Variants in TET1 observed in about 807,000 individuals in gnomAD.
TET1 encodes the protein tet methylcytosine dioxygenase 1, also known as methylcytosine dioxygenase TET1.
TET1 carries 13 observed loss-of-function variants against 148.7 expected under a neutral mutation model. That is an observed-to-expected ratio of 0.09 (90% CI 0.06 to 0.14). The LOEUF is 0.14. Among genes scored for constraint, TET1 ranks in the 10% least tolerant of loss-of-function variants. TET1 has a pLI of 1.00. For missense variants in TET1, 2,182 were observed against 2,553.8 expected (o/e 0.85, Z 3.14); for synonymous variants, 907 against 937.2 (o/e 0.97, Z 0.59).
chr10:68,632,650 G>T, intron 3 of TET1: 1 of 1,593,432 alleles, frequency 6.3e-7, no homozygotes, highest in South Asian at 1.1e-5. Context: ...TGCCAGAGAA[G>T]AAATTAAAAA....
rs1339691951 is a variant in TET1 at position 68,686,384 on chromosome 10, G to A, written c.5081G>A (p.Arg1694His). 1 of 1,609,432 alleles carries A rather than the reference G, an allele frequency of 6.2e-7. No individual in the cohort carries two copies. The highest frequency in any genetic ancestry group is 1.7e-5 in the Admixed American group (1 of 59,366). Residue 1694 changes from arginine to histidine, a missense_variant, in exon 11 of 12, where the codon CGC (arginine) becomes CAC (histidine). Arg to His is a conservative substitution (Grantham distance 29). This residue lies in a region of TET1 where 380 missense variants were observed against 387.9 expected (regional missense o/e 0.98). Coordinates refer to ENST00000373644, the MANE Select transcript of TET1 (RefSeq NM_030625.3). ...TGTACCTTAACTCGAGAAGATAACC[G>A]CTCTTTGGGTGTTATTCCTCAAGAT... ...VVCTLTREDN[R>H]SLGVIPQDEQ... is the part of the protein sequence containing the mutation.
intron 3 of TET1, among the ~76,000 whole-genome samples, chr10:68,637,539 T>TTTTTTTTTTTTTTTTTTTC (rs2054672119): frequency 2.7e-5 from 4 of 148,014 alleles, no homozygotes; most frequent in African/African-American, 1.0e-4. Flanking sequence ...TTTTTTTTTT[T>TTTTTTTTTTTTTTTTTTTC]AAGAGACAGA....
At position 68,691,900 on chromosome 10, in the gene TET1, T is replaced by C; in HGVS notation, c.*86T>C. On this transcript the variant is annotated 3_prime_UTR_variant, in exon 12 of 12. Transcript: ENST00000373644. This position sits in a 1 kb window ranked among gnomAD's most constrained non-coding sequence, Gnocchi z 4.4. ...AAAAGAAAGTCATGTTGTCGTTTACTATCTTCATCTCACCCATTTCAAGTC... is the reference window on the plus strand; with the variant it reads ...AAAAGAAAGTCATGTTGTCGTTTACCATCTTCATCTCACCCATTTCAAGTC... 7.0e-7 allele frequency: 1 copy of C among 1,436,196 alleles called. No individual in the cohort carries two copies. The highest frequency in any genetic ancestry group is 9.3e-7 in the Non-Finnish European group (1 of 1,069,590). 89.0% of individuals were successfully genotyped at this position (1,436,196 alleles called of 1,614,324 possible). A position where few individuals can be genotyped will look rare whatever the true frequency, so the allele number is the denominator to read the frequency against.
chr10:68,562,917 C>T (rs2133658405), intron 1 of TET1, among the ~76,000 whole-genome samples: 1 of 152,204 alleles, frequency 6.6e-6, no homozygotes, highest in Admixed American at 6.5e-5. Flanking sequence ...AGATGTCGAA[C>T]CCCTTCCTCA....
chr10:68,587,860 A>T (rs2053877255), intron 2 of TET1, among the ~76,000 whole-genome samples: 1 of 152,178 alleles, frequency 6.6e-6, no homozygotes, highest in Non-Finnish European at 1.5e-5. Context: ...AATGGGAAAT[A>T]GAAACACGTC....
chr10:68,659,837 AG>A, intron 6 of TET1, among the ~76,000 whole-genome samples: 1 of 152,236 alleles, frequency 6.6e-6, no homozygotes, highest in Admixed American at 6.5e-5. Flanking sequence ...ACCAGTGGCC[AG>A]ATCAAGACAT....
chr10:68,671,026 G>A (rs540551114), intron 7 of TET1, among the ~76,000 whole-genome samples: 1 of 151,776 alleles, frequency 6.6e-6, no homozygotes, highest in African/African-American at 2.4e-5. Context: ...CTTTCTGGTG[G>A]AATTTAAAAT....
chr10:68,687,533 A>T lies in TET1; in HGVS notation c.5404+826A>T, dbSNP rs537002659. 6.9e-4 allele frequency among the ~76,000 whole-genome samples: 105 copies of T among 152,246 alleles called. 2 individuals are homozygous for T. The highest frequency in any genetic ancestry group is 4.4e-5 in the Non-Finnish European group (3 of 68,024). On this transcript the variant is annotated intron_variant, in intron 11 of 11. Transcript: ENST00000373644. The stretch of plus-strand genomic sequence containing the variant: ...ATAAATATTACTAAACACCACTTTC[A>T]ACAGTGGTATTGTGGGTTGTCGTTG...
intron 8 of TET1, among the ~76,000 whole-genome samples, chr10:68,678,642 C>T (rs1440328836): frequency 6.6e-6 from 1 of 151,878 alleles, no homozygotes; most frequent in Non-Finnish European, 1.5e-5. Flanking sequence ...TCCGGCTACT[C>T]AAGTGCCTGA....
Position 68,619,972 on chromosome 10 carries a change from C to G in TET1, c.1968+18938C>G, listed in dbSNP as rs2054347000. 2.0e-5 allele frequency among the ~76,000 whole-genome samples: 3 copies of G among 152,212 alleles called. No individual in the cohort carries two copies. The South Asian group carries it at 6.2e-4, about 32-fold the overall frequency. ...CTTTGGGAGGCCGAGCTGGGCAGAT[C>G]ACTTGAGTTTAGGAGTTCAAGACCA... is the stretch of plus-strand genomic sequence containing the variant. On this transcript the variant is annotated intron_variant, in intron 3 of 11. Transcript: ENST00000373644.
At chr10:68,568,305 C>T (rs1227570474) in intron 1 of TET1, among the ~76,000 whole-genome samples, 1 of 150,524 alleles carries the variant, frequency 6.6e-6, no homozygotes, top group South Asian at 2.1e-4. Context: ...TCCCTGCAAC[C>T]TCCACCTCTC....
At chr10:68,656,789 G>A (rs552879741) in intron 6 of TET1, among the ~76,000 whole-genome samples, 11 of 152,262 alleles carry the variant, frequency 7.2e-5, no homozygotes, top group South Asian at 6.2e-4. Context: ...ACTTTGGGAG[G>A]TCGAGGCGGG....
chr10:68,638,551 C>T (rs1272276036), intron 3 of TET1, among the ~76,000 whole-genome samples: 3 of 152,012 alleles, frequency 2.0e-5, no homozygotes, highest in Non-Finnish European at 1.5e-5. Flanking sequence ...AAAAAAATGT[C>T]TAAAAAAGCC....
At chr10:68,610,469 C>T (rs113532935) in intron 3 of TET1, among the ~76,000 whole-genome samples, 2,279 of 151,482 alleles carry the variant, frequency 0.015, 46 homozygotes, top group African/African-American at 0.052. Flanking sequence ...TGGTTGCCTG[C>T]AGTCCCAGCT....
At position 68,573,796 on chromosome 10, in the gene TET1, T is replaced by G. The variant is rs2053697467; in HGVS notation, c.1458T>G (p.Asn486Lys). 1.2e-6 allele frequency: 2 copies of G among 1,614,008 alleles called. No homozygotes were observed. The highest frequency in any genetic ancestry group is 4.5e-5 in the East Asian group (2 of 44,886). ...AATCATCATCAAACTCAGAGAAAAA[T>G]TCATTACCTCCAGTAATGGCTATAA... ...TPQSSSNSEK[N>K]SLPPVMAISN... Residue 486 changes from asparagine to lysine, a missense_variant, in exon 2 of 12, where the codon AAT becomes AAG. Physicochemically the swap from Asn to Lys is moderately conservative, Grantham distance 94 (BLOSUM62 0). Coordinates refer to ENST00000373644, the MANE Select transcript of TET1 (RefSeq NM_030625.3).
Position 68,690,900 on chromosome 10 carries a change from C to T in TET1, c.5497C>T (p.Leu1833=), listed in dbSNP as rs1170547152. 6.2e-7 allele frequency: 1 copy of T among 1,614,142 alleles called. No individual in the cohort carries two copies. Among genetic ancestry groups the T allele is most frequent in the African/African-American group, 1.3e-5 (1 of 74,954 alleles). Residue 1833 remains leucine (L), a synonymous_variant, in exon 12 of 12, where the codon CTG becomes TTG. Transcript: ENST00000373644. The stretch of plus-strand genomic sequence containing the variant: ...TTCAGACAACACTAAAACTTATTCG[C>T]TGATGCCATCCGCTCCTCACCCAGT... ...KSSDNTKTYS[L]MPSAPHPVKE...
chr10:68,632,742 A>T, intron 3 of TET1: 1 of 1,597,220 alleles, frequency 6.3e-7, no homozygotes, highest in East Asian at 2.2e-5. Flanking sequence ...TCTTGAGCAT[A>T]GAAAAGAAGT....
intron 2 of TET1, among the ~76,000 whole-genome samples, chr10:68,597,029 G>GGTTTTTTTTTTTTTTT: frequency 1.1e-5 from 1 of 90,300 alleles, no homozygotes; most frequent in Non-Finnish European, 2.2e-5. Context: ...ACAGCTAATG[G>GGTTTTTTTTTTTTTTT]ATTTTTTTTT....
chr10:68,621,517 G>T (rs1390412644), intron 3 of TET1, among the ~76,000 whole-genome samples: 1 of 152,150 alleles, frequency 6.6e-6, no homozygotes, highest in Non-Finnish European at 1.5e-5. Context: ...CCGGGAGGCG[G>T]TTACAGTGAG....
Sources: allele counts gnomAD v4.1 joint callset (sites outside exome capture counted in the v4.1 genomes callset), GRCh38; gene constraint gnomAD v4.1.1; regional missense constraint gnomAD v4.1.1; non-coding constraint Gnocchi (gnomAD v3.1); transcripts MANE v1.5; gene names NCBI Gene and HGNC (gene_info 2026-07-23, HGNC 2026-07-21).